Variants in ZDHHC11 observed in about 807,000 individuals in gnomAD.
ZDHHC11 encodes zDHHC palmitoyltransferase 11.
In ZDHHC11, 44 loss-of-function variants were observed where a neutral mutation model predicts 51.3. That is an observed-to-expected ratio of 0.86 (90% CI 0.67 to 1.10). The LOEUF (loss-of-function observed/expected upper bound fraction) is 1.10. Ranked by LOEUF, ZDHHC11 falls within the 50% of genes least tolerant of loss-of-function variation. The pLI is 0.00. For missense variants in ZDHHC11, 400 were observed against 537.7 expected, an observed-to-expected ratio of 0.74 and a Z score of 2.53; for synonymous variants, 163 against 222.0, an observed-to-expected ratio of 0.73 and a Z score of 2.36.
chr5:829,183 A>G (rs1264407936), intron 7 of ZDHHC11, among the ~76,000 whole-genome samples: 2 of 150,006 alleles, frequency 1.3e-5, no homozygotes, highest in Non-Finnish European at 3.0e-5. Context: ...ACAAAAAAAC[A>G]AAAAAACCAC....
intron 1 of ZDHHC11, among the ~76,000 whole-genome samples, chr5:856,672 C>G (rs1031628807): frequency 3.3e-5 from 5 of 151,600 alleles, no homozygotes; most frequent in African/African-American, 1.2e-4. Flanking sequence ...CACCACGTGA[C>G]AAGTACCAGA....
chr5:855,539 CG>C (rs1237102581), upstream of ZDHHC11, among the ~76,000 whole-genome samples: 1 of 132,690 alleles, frequency 7.5e-6, no homozygotes, highest in African/African-American at 2.9e-5. Flanking sequence ...GACAGCGAGC[CG>C]GCAAGACAGA....
intron 7 of ZDHHC11, among the ~76,000 whole-genome samples, chr5:828,161 C>T (rs1294595890): frequency 6.6e-6 from 1 of 151,468 alleles, no homozygotes; most frequent in African/African-American, 2.4e-5. Flanking sequence ...CAGCAACCAT[C>T]CGATTTCTCA....
intron 11 of ZDHHC11, among the ~76,000 whole-genome samples, chr5:813,313 G>A (rs1175858331): frequency 2.1e-5 from 3 of 141,750 alleles, no homozygotes; most frequent in Admixed American, 7.3e-5. Flanking sequence ...GGGTGACAGA[G>A]TAAGACCCTG....
At position 795,964 on chromosome 5, in the gene ZDHHC11, C is replaced by A. The variant is rs368065288; in HGVS notation, c.*624G>T. On this transcript the variant is annotated 3_prime_UTR_variant, in exon 13 of 13. Transcript: ENST00000283441. ...CTCCCATTTCTCAGTACTGTATGCCCATTTCCCAGTACTGTGCTCCCATTT... is the reference window on the plus strand; with the variant it reads ...CTCCCATTTCTCAGTACTGTATGCCAATTTCCCAGTACTGTGCTCCCATTT... 9 of 154,344 alleles carry A rather than the reference C, an allele frequency of 5.8e-5. No homozygotes were observed. The highest frequency in any genetic ancestry group is 2.2e-4 in the African/African-American group (9 of 41,138). 9.6% of individuals were successfully genotyped at this position (154,344 alleles called of 1,614,324 possible).
At chr5:853,491 C>A (rs1342948339), upstream of ZDHHC11, among the ~76,000 whole-genome samples, 4 of 150,192 alleles carry the variant, frequency 2.7e-5, no homozygotes, top group African/African-American at 9.9e-5. Context: ...GAGCACAGAC[C>A]CCACAGAGGA....
At position 818,962 on chromosome 5, in the gene ZDHHC11, C is replaced by T. The variant is rs554139587; in HGVS notation, c.1146+563G>A. Among the ~76,000 whole-genome samples, 13 of 151,562 alleles carry T rather than the reference C, an allele frequency of 8.6e-5. No homozygotes were observed. The East Asian group carries it at 1.7e-3, about 20-fold the overall frequency. On this transcript the variant is annotated intron_variant, in intron 10 of 12. Coordinates refer to ENST00000283441, the MANE Select transcript of ZDHHC11 (RefSeq NM_024786.3). ...GCCGGTAGCCACACAGGGCTTTTCC[C>T]GTGAAGGACGGACACAGAGTCCATG...
chr5:815,106 C>A (rs1194908078), intron 10 of ZDHHC11, among the ~76,000 whole-genome samples: 1 of 151,290 alleles, frequency 6.6e-6, no homozygotes, highest in Non-Finnish European at 1.5e-5. Context: ...CTAGAGTGAG[C>A]CCTAATCCAG....
intron 10 of ZDHHC11, chr5:816,801 C>A: frequency 2.1e-6 from 1 of 476,980 alleles, no homozygotes; most frequent in South Asian, 1.8e-5. Context: ...GGGAGCTGCC[C>A]TCCAGTCTTA....
At chr5:856,438 TCATA>T (rs996878560) in intron 1 of ZDHHC11, among the ~76,000 whole-genome samples, 40 of 144,138 alleles carry the variant, frequency 2.8e-4, no homozygotes, top group Admixed American at 2.0e-3. Context: ...ACAACACACA[TCATA>T]CAGATTACAC....
At chr5:819,236 C>A (rs1211044057) in intron 10 of ZDHHC11, among the ~76,000 whole-genome samples, 1 of 151,604 alleles carries the variant, frequency 6.6e-6, no homozygotes, top group Non-Finnish European at 1.5e-5. Context: ...CACTTCAGAG[C>A]CTGCCCTGGG....
chr5:816,877 G>A (rs1740870557), intron 10 of ZDHHC11: 2 of 456,910 alleles, frequency 4.4e-6, no homozygotes, highest in East Asian at 5.3e-5. Flanking sequence ...GCAGCAGCGG[G>A]AAGCCAAGTT....
intron 3 of ZDHHC11, among the ~76,000 whole-genome samples, chr5:847,302 G>A (rs1403788468): frequency 1.3e-5 from 2 of 151,696 alleles, no homozygotes; most frequent in South Asian, 2.1e-4. Context: ...TACTCTATGC[G>A]GATGAGCTTG....
Position 807,411 on chromosome 5 carries a change from C to T in ZDHHC11, c.1182-6247G>A, listed in dbSNP as rs143040141. 3.9e-3 allele frequency among the ~76,000 whole-genome samples: 594 copies of T among 151,316 alleles called. 15 individuals are homozygous for T. Among genetic ancestry groups the T allele is most frequent in the African/African-American group, 0.014 (580 of 41,248 alleles). ...GGTGCAAGGACTTGGAATAGGGGCC[C>T]CGTCTCAACAGACAAAGATGATGTC... On this transcript the variant is annotated intron_variant, in intron 11 of 12. Transcript: ENST00000283441.
At chr5:853,272 C>T (rs57524199), upstream of ZDHHC11, among the ~76,000 whole-genome samples, 2,450 of 144,082 alleles carry the variant, frequency 0.017, 89 homozygotes, top group African/African-American at 0.062. Flanking sequence ...ACAGACCCCA[C>T]AGAGGACAGT....
intron 11 of ZDHHC11, among the ~76,000 whole-genome samples, chr5:807,043 G>A (rs1195930875): frequency 6.6e-6 from 1 of 151,060 alleles, no homozygotes; most frequent in African/African-American, 2.4e-5. Flanking sequence ...AAGCAGCACA[G>A]CTGGGTAGCA....
intron 6 of ZDHHC11, among the ~76,000 whole-genome samples, chr5:835,648 G>A (rs1217529943): frequency 2.0e-5 from 3 of 152,002 alleles, no homozygotes; most frequent in African/African-American, 7.3e-5. Flanking sequence ...GCCTGCTGGG[G>A]TTCAGCAGGG....
rs1445140561 is a variant in ZDHHC11 at position 850,156 on chromosome 5, C to T, written c.222+225G>A. ...TGCTGTCCCTCCTGACAGATTCCCT[C>T]TCCGGAGCCCCCTCAGCCAACGCTG... is the stretch of plus-strand genomic sequence containing the variant. On this transcript the variant is annotated intron_variant, in intron 1 of 12. Transcript: ENST00000283441. 1.0e-5 allele frequency: 6 copies of T among 575,854 alleles called. No homozygotes were observed. In the African/African-American group the frequency reaches 1.1e-4, roughly 11 times the overall value. The allele number at this position is 575,854 out of a possible 1,614,324, so 35.7% of individuals were successfully genotyped here. A position where few individuals can be genotyped will look rare whatever the true frequency, so the allele number is the denominator to read the frequency against.
intron 3 of ZDHHC11, among the ~76,000 whole-genome samples, chr5:844,801 C>T (rs1157541045): frequency 6.6e-6 from 1 of 152,302 alleles, no homozygotes; most frequent in South Asian, 2.1e-4. Flanking sequence ...ATGCTGTAGA[C>T]GTGAGACCAA....
Sources: allele counts gnomAD v4.1 joint callset (sites outside exome capture counted in the v4.1 genomes callset), GRCh38; gene constraint gnomAD v4.1.1; transcripts MANE v1.5; gene names NCBI Gene and HGNC (gene_info 2026-07-23, HGNC 2026-07-21).